Variants in ACTN1 observed in about 807,000 individuals in gnomAD.
ACTN1 encodes alpha-actinin-1.
Under a neutral mutation model 119.6 loss-of-function variants are expected in ACTN1, and 30 were observed. The ratio of observed to expected loss-of-function variants is 0.25; its 90% CI spans 0.19 to 0.34. ACTN1 has a LOEUF of 0.34. Among genes scored for constraint, ACTN1 ranks in the 10% least tolerant of loss-of-function variants. The pLI is 1.00. For missense variants in ACTN1, 764 were observed against 1,223.4 expected (o/e 0.62, Z 5.60); for synonymous variants, 429 against 472.6 (o/e 0.91, Z 1.20).
At chr14:68,898,159 T>C (rs1198045026) in intron 8 of ACTN1, among the ~76,000 whole-genome samples, 1 of 152,188 alleles carries the variant, frequency 6.6e-6, no homozygotes, top group African/African-American at 2.4e-5. Context: ...GCTCATGAAT[T>C]TCTCTCAGAT....
intron 14 of ACTN1, 106 bp from the exon 15 acceptor site, chr14:68,883,161 C>T: frequency 3.3e-6 from 4 of 1,209,638 alleles, no homozygotes; most frequent in Non-Finnish European, 4.7e-6. Context: ...GACCAGGAGG[C>T]ATCAATTCAA....
intron 14 of ACTN1, among the ~76,000 whole-genome samples, 194 bp downstream of exon 14, chr14:68,883,967 TCATAAAC>T (rs953277182): frequency 1.3e-5 from 2 of 152,170 alleles, no homozygotes; most frequent in African/African-American, 4.8e-5. Flanking sequence ...GGAGACCCTA[TCATAAAC>T]CTTTTTAATT....
intron 3 of ACTN1, among the ~76,000 whole-genome samples, chr14:68,920,510 A>C (rs2034581068): frequency 6.6e-6 from 1 of 152,216 alleles, no homozygotes; most frequent in Non-Finnish European, 1.5e-5. Context: ...AAGTGTTTCT[A>C]AGTAAAAGTT....
At chr14:68,978,461 G>A (rs1372262018) in intron 1 of ACTN1, 1 of 334,170 alleles carries the variant, frequency 3.0e-6, no homozygotes, top group Non-Finnish European at 5.9e-6. Flanking sequence ...CTAAGGGGCA[G>A]CAGGGTCCCG....
intron 10 of ACTN1, among the ~76,000 whole-genome samples, chr14:68,891,299 G>A (rs1052825199): frequency 6.6e-6 from 1 of 152,064 alleles, no homozygotes; most frequent in Non-Finnish European, 1.5e-5. Context: ...GTGGGGACAG[G>A]GTCAAGAAGG....
At chr14:68,970,294 C>G (rs1190702599) in intron 1 of ACTN1, among the ~76,000 whole-genome samples, 1 of 152,168 alleles carries the variant, frequency 6.6e-6, no homozygotes, top group Non-Finnish European at 1.5e-5. Context: ...CTGCCCCCCA[C>G]TTGGTGCTGA....
At chr14:68,977,935 G>A (rs1436139712) in intron 1 of ACTN1, 3 of 455,970 alleles carry the variant, frequency 6.6e-6, no homozygotes, top group East Asian at 7.0e-5. Flanking sequence ...TGGCCGCCTG[G>A]GGGCACAGGC....
intron 7 of ACTN1, among the ~76,000 whole-genome samples, chr14:68,903,662 G>A (rs917783609): frequency 2.8e-4 from 42 of 152,156 alleles, no homozygotes; most frequent in Non-Finnish European, 5.7e-4. Flanking sequence ...GCCAAGGAGA[G>A]CACACAGGGA....
chr14:68,951,693 T>C (rs1179531610), intron 1 of ACTN1, among the ~76,000 whole-genome samples: 1 of 152,168 alleles, frequency 6.6e-6, no homozygotes, highest in African/African-American at 2.4e-5. Context: ...GAGGAAGGCC[T>C]GGAGAAGACT....
chr14:68,927,113 C>T (rs1462064614), intron 1 of ACTN1, among the ~76,000 whole-genome samples: 2 of 152,170 alleles, frequency 1.3e-5, no homozygotes, highest in Non-Finnish European at 2.9e-5. Context: ...GCGTATTGTG[C>T]TATCCCAGAG....
intron 6 of ACTN1, among the ~76,000 whole-genome samples, chr14:68,905,609 T>C (rs1221670945): frequency 6.6e-6 from 1 of 152,184 alleles, no homozygotes; most frequent in Non-Finnish European, 1.5e-5. Flanking sequence ...AATGGAATAT[T>C]ATTCAGCCTC....
At chr14:68,902,616 C>A (rs2033411829) in intron 7 of ACTN1, 54 bp from the exon 8 acceptor site, 1 of 1,480,850 alleles carries the variant, frequency 6.8e-7, no homozygotes, top group Non-Finnish European at 9.4e-7. Flanking sequence ...CACCATACAC[C>A]CCCGACGTGA....
rs192640536 is a variant in ACTN1 at position 68,874,876 on chromosome 14, C to G, written c.2728G>C (p.Gly910Arg). Residue 910 changes from glycine (G) to arginine (R), a missense_variant, in exon 22 of 22, where the codon GGC (glycine) becomes CGC (arginine). Transcript: ENST00000394419. The stretch of plus-strand genomic sequence containing the variant: ...GGGGTGGATTAGAGGTCACTCTCGC[C>G]GTACAGCGCCGTGGAGAAGGACATG... Reference protein sequence around the residue: ...DYMSFSTALYGESDL With the variant: ...DYMSFSTALYRESDL The G allele has an allele frequency of 6.3e-7, 1 of 1,588,786 alleles. No homozygotes were observed. Among genetic ancestry groups the G allele is most frequent in the Non-Finnish European group, 8.6e-7 (1 of 1,160,966 alleles).
Position 68,909,141 on chromosome 14 carries a change from G to A in ACTN1, c.594+177C>T, listed in dbSNP as rs940121222. On this transcript the variant is annotated intron_variant, in intron 6 of 21. Coordinates refer to ENST00000394419, the MANE Select transcript of ACTN1 (RefSeq NM_001130004.2). The surrounding 1 kb of genome is among the most constrained non-coding windows in gnomAD (Gnocchi z 4.1). ...CACCACGCACAAGGGTAATGAAGTT[G>A]CCCTAACAGGGAAGGTGTTTTCTCT... Among the ~76,000 whole-genome samples, 3 of 152,198 alleles carry A rather than the reference G, an allele frequency of 2.0e-5. No individual in the cohort carries two copies. Among genetic ancestry groups the A allele is most frequent in the African/African-American group, 7.2e-5 (3 of 41,440 alleles).
rs574523845 is a variant in ACTN1 at position 68,954,510 on chromosome 14, T to C, written c.105+24442A>G. Among the ~76,000 whole-genome samples, 35 of 152,192 alleles carry C rather than the reference T, an allele frequency of 2.3e-4. 2 individuals carry two copies. The highest frequency in any genetic ancestry group is 3.4e-3 in the Middle Eastern group (1 of 294). On this transcript the variant is annotated intron_variant, in intron 1 of 21. Transcript: ENST00000394419. ...ACCGAGCTAATTTTTGTATTTTTAG[T>C]ATAGACGGGGTTTCACCATGTTAGC...
In ACTN1 at chr14:68,884,361, C is replaced by A. The variant is rs1260270920; in HGVS notation, c.1495-53G>T. ...AGTACAGTGATGTCCAGAATCATCC[C>A]CCACTCCTATCAAGATCCTCCTGGT... On this transcript the variant is annotated intron_variant, in intron 13 of 21. Transcript: ENST00000394419. The A allele has an allele frequency of 2.6e-6, 4 of 1,565,046 alleles. No individual in the cohort carries two copies. The African/African-American group carries it at 5.4e-5, about 21-fold the overall frequency.
At chr14:68,892,020 G>C in intron 10 of ACTN1, 33 bp downstream of exon 10, 1 of 1,608,432 alleles carries the variant, frequency 6.2e-7, no homozygotes, top group Admixed American at 1.7e-5. Context: ...AGGCAGTCCA[G>C]TCTGGGGGCC....
Position 68,874,970 on chromosome 14 carries a change from C to T in ACTN1, c.2634G>A (p.Gln878=). ...DELRRELPPD[Q]AEYCIARMAP... is the part of the protein sequence containing the mutation. ...CCATCCGCGCGATGCAGTACTCAGC[C>T]TGGTCGGGTGGCAGCTCGCGGCGCA... is the stretch of plus-strand genomic sequence containing the variant. Residue 878 remains glutamine (Q), a synonymous_variant, in exon 22 of 22, where the codon CAG becomes CAA. Coordinates refer to ENST00000394419, the MANE Select transcript of ACTN1 (RefSeq NM_001130004.2). 1 of 1,613,870 alleles carries T rather than the reference C, an allele frequency of 6.2e-7. No homozygotes were observed. Among genetic ancestry groups the T allele is most frequent in the Non-Finnish European group, 8.5e-7 (1 of 1,180,010 alleles).
intron 1 of ACTN1, among the ~76,000 whole-genome samples, chr14:68,954,476 C>T (rs1198687652): frequency 5.3e-5 from 8 of 151,922 alleles, no homozygotes; most frequent in African/African-American, 1.5e-4. Flanking sequence ...TACAGGCACC[C>T]GCCACCGAAC....
Sources: gnomAD v4.1 joint callset for allele counts (sites outside exome capture counted in the v4.1 genomes callset) on GRCh38, gnomAD v4.1.1 for gene constraint, Gnocchi (gnomAD v3.1) non-coding constraint, MANE v1.5 for transcripts, NCBI Gene and HGNC (gene_info 2026-07-23, HGNC 2026-07-21) for gene names.